The following CD99L2 variants were observed in gnomAD, a reference collection of about 807,000 sequenced individuals.
CD99L2 encodes CD99 molecule like 2, also known as CD99 antigen-like protein 2.
CD99L2 carries 24 observed loss-of-function variants against 27.3 expected under a neutral mutation model. The observed-to-expected ratio is 0.88, with a 90% CI of 0.64 to 1.24. CD99L2 has a LOEUF of 1.24. CD99L2 is among the 50% of genes most tolerant of loss of function. The pLI is 0.00. For synonymous variants in CD99L2, 97 were observed against 87.9 expected, an observed-to-expected ratio of 1.10 and a Z score of -0.58; for missense variants, 255 against 221.6, an observed-to-expected ratio of 1.15 and a Z score of -0.96.
chrX:150,804,638 C>A (rs1197672197), intron 4 of CD99L2, among the ~76,000 whole-genome samples: 1 of 110,797 alleles, frequency 9.0e-6, no homozygotes, highest in African/African-American at 3.3e-5. Flanking sequence ...ACAATAAAGT[C>A]TATAAAAACA....
At chrX:150,794,794 G>T (rs2045763952) in intron 6 of CD99L2, among the ~76,000 whole-genome samples, 1 of 112,020 alleles carries the variant, frequency 8.9e-6, no homozygotes, top group African/African-American at 3.2e-5. Flanking sequence ...TAAAGTGCCT[G>T]TGAGAAGCCA....
intron 6 of CD99L2, among the ~76,000 whole-genome samples, chrX:150,793,958 G>A (rs2045744182): frequency 9.0e-6 from 1 of 111,235 alleles, no homozygotes; most frequent in African/African-American, 3.3e-5. Flanking sequence ...GAGTGTGAGT[G>A]GAACCATGGA....
At chrX:150,770,804 T>G (rs1255417995) in intron 9 of CD99L2, among the ~76,000 whole-genome samples, 2 of 111,951 alleles carry the variant, frequency 1.8e-5, no homozygotes, top group African/African-American at 6.5e-5. Flanking sequence ...GATGGCTGAG[T>G]GGGGCTCAGC....
At chrX:150,898,402 G>C (rs2047653274) in intron 1 of CD99L2, 120 bp downstream of exon 1, 1 of 512,696 alleles carries the variant, frequency 2.0e-6, no homozygotes, top group Non-Finnish European at 2.6e-6. Context: ...AGCCGGGCCG[G>C]CCGGTGGCAG....
At chrX:150,782,531 G>A (rs1557419453) in intron 7 of CD99L2, among the ~76,000 whole-genome samples, 1 of 112,071 alleles carries the variant, frequency 8.9e-6, no homozygotes, top group Non-Finnish European at 1.9e-5. Context: ...CAGCAAGGTG[G>A]TCATCTAGGA....
At chrX:150,804,466 T>C (rs2045964072) in intron 4 of CD99L2, among the ~76,000 whole-genome samples, 1 of 111,709 alleles carries the variant, frequency 9.0e-6, no homozygotes. Flanking sequence ...CAAAGATCTC[T>C]CCAGGCACGG....
chrX:150,791,619 G>A (rs1190669401), intron 7 of CD99L2, among the ~76,000 whole-genome samples: 6 of 111,466 alleles, frequency 5.4e-5, no homozygotes, highest in African/African-American at 2.0e-4. Context: ...ACATGGCAGG[G>A]GGGCCATGAG....
chrX:150,848,115 C>G (rs1569566067), intron 1 of CD99L2, among the ~76,000 whole-genome samples: 2 of 106,931 alleles, frequency 1.9e-5, no homozygotes, highest in Non-Finnish European at 1.9e-5. Context: ...CTGCAGGCCC[C>G]CCCCCCCTTG....
intron 1 of CD99L2, among the ~76,000 whole-genome samples, chrX:150,854,156 C>A (rs1455229514): frequency 9.0e-6 from 1 of 111,198 alleles, no homozygotes; most frequent in Non-Finnish European, 1.9e-5. Context: ...TTGTCCTAGT[C>A]CTGAGCCCAG....
At chrX:150,813,174 T>C (rs1180874491) in intron 4 of CD99L2, among the ~76,000 whole-genome samples, 3 of 111,513 alleles carry the variant, frequency 2.7e-5, no homozygotes, top group South Asian at 3.7e-4. Flanking sequence ...ACTGTGATGA[T>C]AGATACACAA....
At chrX:150,811,800 GA>G (rs1290671572) in intron 4 of CD99L2, among the ~76,000 whole-genome samples, 15 of 110,972 alleles carry the variant, frequency 1.4e-4, no homozygotes, top group African/African-American at 4.6e-4. Flanking sequence ...GAAGTTTCAG[GA>G]AAAAAAACAT....
intron 9 of CD99L2, among the ~76,000 whole-genome samples, chrX:150,773,429 C>G (rs1330075971): frequency 2.7e-5 from 3 of 113,040 alleles, no homozygotes; most frequent in Non-Finnish European, 5.6e-5. Flanking sequence ...TAAATAGTTT[C>G]TTTTACCCAG....
chrX:150,885,583 C>T (rs66490046), intron 1 of CD99L2, among the ~76,000 whole-genome samples: 21,854 of 111,386 alleles, frequency 0.2, 1,682 homozygotes, highest in African/African-American at 0.29. Flanking sequence ...AGGTTTGTGT[C>T]TTCTCTACAC....
At chrX:150,769,517 TGCAGCACTGCCACCCGTCTTCA>T (rs1369304102) in intron 10 of CD99L2, among the ~76,000 whole-genome samples, 3 of 112,335 alleles carry the variant, frequency 2.7e-5, no homozygotes, top group Admixed American at 1.9e-4. Flanking sequence ...GTTCATTTGG[TGCAGCACTGCCACCCGTCTTCA>T]GCAGCATTGT....
intron 7 of CD99L2, among the ~76,000 whole-genome samples, chrX:150,789,133 T>C (rs1291451731): frequency 1.9e-5 from 2 of 102,782 alleles, no homozygotes; most frequent in African/African-American, 7.1e-5. Flanking sequence ...TCTTTTTTTT[T>C]TTTTTTTGAG....
chrX:150,775,815 G>A (rs1407763161), intron 9 of CD99L2, among the ~76,000 whole-genome samples: 3 of 112,034 alleles, frequency 2.7e-5, no homozygotes, highest in African/African-American at 9.7e-5. Context: ...GCCCTCATCC[G>A]CTTGGCTGAG....
intron 1 of CD99L2, among the ~76,000 whole-genome samples, chrX:150,843,123 AC>A (rs1312399797): frequency 4.5e-5 from 5 of 112,007 alleles, no homozygotes; most frequent in Non-Finnish European, 9.4e-5. Context: ...GGCAGCTGGG[AC>A]CCCTGGCTGC....
intron 1 of CD99L2, among the ~76,000 whole-genome samples, chrX:150,876,411 A>C (rs1474827850): frequency 3.6e-5 from 4 of 112,528 alleles, no homozygotes; most frequent in Non-Finnish European, 5.6e-5. Flanking sequence ...CAAGGAAAAA[A>C]AGGGCTGACA....
At chrX:150,857,099 A>C (rs782040168) in intron 1 of CD99L2, among the ~76,000 whole-genome samples, 3 of 112,016 alleles carry the variant, frequency 2.7e-5, no homozygotes, top group African/African-American at 6.5e-5. Flanking sequence ...AAGAATGAGC[A>C]AAGCCTTCAT....
Sources: allele counts gnomAD v4.1 joint callset (sites outside exome capture counted in the v4.1 genomes callset), GRCh38; gene constraint gnomAD v4.1.1; transcripts MANE v1.5; gene names NCBI Gene and HGNC (gene_info 2026-07-23, HGNC 2026-07-21).